Variants in TBCA observed in about 807,000 individuals in gnomAD.
TBCA encodes tubulin-specific chaperone A.
A neutral mutation model predicts 15.8 loss-of-function variants in TBCA; 6 were observed. The ratio of observed to expected loss-of-function variants is 0.38; its 90% CI spans 0.21 to 0.75. The LOEUF (loss-of-function observed/expected upper bound fraction) is 0.75. Among genes scored for constraint, TBCA ranks in the 30% least tolerant of loss-of-function variants. The probability of loss-of-function intolerance (pLI) is 0.46; values close to 1 mark genes in which losing one functional copy is unlikely to be tolerated. For missense variants in TBCA, 90 were observed against 131.2 expected (o/e 0.69, Z 1.53); for synonymous variants, 32 against 42.3 (o/e 0.76, Z 0.94).
intron 1 of TBCA, among the ~76,000 whole-genome samples, chr5:77,718,159 T>TG (rs1746445815): frequency 6.6e-6 from 1 of 152,092 alleles, no homozygotes; most frequent in Non-Finnish European, 1.5e-5. Flanking sequence ...CCAAGACCAC[T>TG]TTGTTTTTAA....
chr5:77,773,561 A>G (rs1006960774), intron 1 of TBCA, among the ~76,000 whole-genome samples: 1 of 152,222 alleles, frequency 6.6e-6, no homozygotes, highest in Non-Finnish European at 1.5e-5. Context: ...TCCACAACAT[A>G]GAATAAAGGG....
intron 1 of TBCA, among the ~76,000 whole-genome samples, chr5:77,719,725 A>G (rs887341668): frequency 3.3e-5 from 5 of 152,212 alleles, no homozygotes; most frequent in African/African-American, 1.2e-4. Context: ...TAATAAATGA[A>G]TAAATCTTAG....
At chr5:77,739,692 C>T (rs571612693) in intron 1 of TBCA, among the ~76,000 whole-genome samples, 33 of 152,188 alleles carry the variant, frequency 2.2e-4, no homozygotes, top group African/African-American at 5.8e-4. Context: ...TAATTTGTCC[C>T]GTCTTAACTA....
chr5:77,711,284 AG>A (rs1746273185), intron 1 of TBCA, among the ~76,000 whole-genome samples: 1 of 152,206 alleles, frequency 6.6e-6, no homozygotes, highest in Admixed American at 6.5e-5. Context: ...TAGTTGTGAT[AG>A]AAGAACCATA....
intron 1 of TBCA, among the ~76,000 whole-genome samples, chr5:77,763,300 T>C (rs1192336899): frequency 1.3e-5 from 2 of 152,018 alleles, no homozygotes; most frequent in Non-Finnish European, 2.9e-5. Flanking sequence ...AAAACAATTT[T>C]TTTCCAAAAT....
chr5:77,743,823 C>T lies in TBCA; in HGVS notation c.53+32382G>A, dbSNP rs569598883. Among the ~76,000 whole-genome samples the T allele has an allele frequency of 8.5e-5, 13 of 152,174 alleles. No individual in the cohort carries two copies. The South Asian group carries it at 2.5e-3, about 29-fold the overall frequency. On this transcript the variant is annotated intron_variant, in intron 1 of 3. Coordinates refer to ENST00000380377, the MANE Select transcript of TBCA (RefSeq NM_004607.3). Reference sequence around the variant, plus strand: ...TATAAATACCCTATTTTTGTCCTTCCCATTTCACAAAGTTGTGCCAGGTAC... The same window carrying T: ...TATAAATACCCTATTTTTGTCCTTCTCATTTCACAAAGTTGTGCCAGGTAC...
At chr5:77,740,469 T>C (rs2112479421) in intron 1 of TBCA, among the ~76,000 whole-genome samples, 1 of 152,218 alleles carries the variant, frequency 6.6e-6, no homozygotes, top group South Asian at 2.1e-4. Flanking sequence ...ACCCAGGTGA[T>C]GGAGCAGGAA....
Position 77,691,983 on chromosome 5 carries a change from C to T in TBCA, c.247-485G>A, listed in dbSNP as rs147948068. 1.0e-3 allele frequency: 1,002 copies of T among 986,252 alleles called. 13 individuals are homozygous for T. In the African/African-American group the frequency reaches 0.016, roughly 16 times the overall value. 61.1% of individuals were successfully genotyped at this position (986,252 alleles called of 1,614,324 possible). A position where few individuals can be genotyped will look rare whatever the true frequency, so the allele number is the denominator to read the frequency against. On this transcript the variant is annotated intron_variant, in intron 3 of 3. Transcript: ENST00000380377. ...TTGAATTAAACAAATGAATTGCCTG[C>T]TTGCTAATGGGTATTACATACCCTA...
At chr5:77,762,851 C>T (rs1747673308) in intron 1 of TBCA, among the ~76,000 whole-genome samples, 1 of 152,190 alleles carries the variant, frequency 6.6e-6, no homozygotes, top group Admixed American at 6.5e-5. Context: ...GTACATCATT[C>T]TATACAAGGC....
intron 2 of TBCA, among the ~76,000 whole-genome samples, chr5:77,701,682 C>CATATATATATATATAT (rs58679612): frequency 2.0e-5 from 1 of 50,970 alleles, no homozygotes; most frequent in Non-Finnish European, 3.6e-5. Flanking sequence ...CTGTGGCATG[C>CATATATATATATATAT]ATATATATAT....
At chr5:77,692,772 T>G in intron 3 of TBCA, 1 of 1,014,334 alleles carries the variant, frequency 9.9e-7, no homozygotes, top group Non-Finnish European at 1.2e-6. Flanking sequence ...CAAGTATAAG[T>G]GTTATTCAGC....
chr5:77,718,557 C>T (rs1371119628), intron 1 of TBCA, among the ~76,000 whole-genome samples: 1 of 152,156 alleles, frequency 6.6e-6, no homozygotes, highest in Middle Eastern at 3.2e-3. Context: ...TGCTAATGGT[C>T]TATACAGTAC....
At chr5:77,700,660 T>G (rs1042235062) in intron 2 of TBCA, among the ~76,000 whole-genome samples, 17 of 152,250 alleles carry the variant, frequency 1.1e-4, no homozygotes, top group African/African-American at 4.1e-4. Flanking sequence ...TGGTAGTTTC[T>G]TTTAAAACAA....
chr5:77,728,998 T>A (rs1249830593), intron 1 of TBCA, among the ~76,000 whole-genome samples: 2 of 152,126 alleles, frequency 1.3e-5, no homozygotes, highest in Admixed American at 6.6e-5. Flanking sequence ...TGCCAATTTT[T>A]AAAAATGCAA....
At chr5:77,725,210 T>C (rs1746606718) in intron 1 of TBCA, among the ~76,000 whole-genome samples, 1 of 152,208 alleles carries the variant, frequency 6.6e-6, no homozygotes, top group Non-Finnish European at 1.5e-5. Context: ...TGCATGCTCA[T>C]TAGCTGCGAA....
intron 1 of TBCA, among the ~76,000 whole-genome samples, chr5:77,744,530 C>CTTTT (rs1561277852): frequency 2.7e-5 from 3 of 111,096 alleles, no homozygotes; most frequent in South Asian, 6.8e-4. Flanking sequence ...GTCTTATTCA[C>CTTTT]CTTTTTTTTT....
At chr5:77,703,536 T>A (rs968269877) in intron 2 of TBCA, among the ~76,000 whole-genome samples, 4 of 152,212 alleles carry the variant, frequency 2.6e-5, no homozygotes, top group Non-Finnish European at 5.9e-5. Flanking sequence ...TCTAGCCTCC[T>A]GAAAACTTTT....
At chr5:77,760,612 G>A (rs186529917) in intron 1 of TBCA, among the ~76,000 whole-genome samples, 194 of 152,292 alleles carry the variant, frequency 1.3e-3, no homozygotes, top group Middle Eastern at 6.8e-3. Flanking sequence ...TGGTGGAAAC[G>A]GGGTTTCGCC....
chr5:77,694,741 C>T (rs1745835915), intron 2 of TBCA, among the ~76,000 whole-genome samples: 1 of 152,132 alleles, frequency 6.6e-6, no homozygotes, highest in Non-Finnish European at 1.5e-5. Context: ...AGTCCCAGTA[C>T]CTTCTTCCTT....
Sources: allele counts gnomAD v4.1 joint callset (sites outside exome capture counted in the v4.1 genomes callset), GRCh38; gene constraint gnomAD v4.1.1; transcripts MANE v1.5; gene names NCBI Gene and HGNC (gene_info 2026-07-23, HGNC 2026-07-21).